The following TRUB1 variants were observed in gnomAD, a reference collection of about 807,000 sequenced individuals.
The protein encoded by TRUB1 is TruB pseudouridine synthase family member 1, also known as pseudouridylate synthase TRUB1.
A neutral mutation model predicts 33.9 loss-of-function variants in TRUB1; 23 were observed. The observed-to-expected ratio is 0.68, with a 90% confidence interval of 0.49 to 0.96. TRUB1 has a LOEUF of 0.96. TRUB1 is among the 40% of genes least tolerant of loss of function. The pLI, the probability that TRUB1 is intolerant of heterozygous loss-of-function variation, is 0.00. For synonymous variants in TRUB1, 163 were observed against 165.4 expected (o/e 0.99, Z 0.11); for missense variants, 378 against 422.2 (o/e 0.90, Z 0.92).
chr10:114,947,026 C>T (rs881192), intron 2 of TRUB1, among the ~76,000 whole-genome samples: 81,858 of 151,986 alleles, frequency 0.54, 24,321 homozygotes, highest in African/African-American at 0.77. Flanking sequence ...AATGTAATCA[C>T]AATATTCTTT....
intron 4 of TRUB1, among the ~76,000 whole-genome samples, chr10:114,961,081 G>A (rs1000696970): frequency 2.0e-5 from 3 of 152,110 alleles, no homozygotes; most frequent in South Asian, 2.1e-4. Flanking sequence ...ATCTAGCTGC[G>A]CAAATTTGAA....
chr10:114,943,135 G>C (rs1398342963), intron 2 of TRUB1, among the ~76,000 whole-genome samples: 2 of 152,186 alleles, frequency 1.3e-5, no homozygotes, highest in African/African-American at 4.8e-5. Context: ...CTGTGCCTCA[G>C]ATGTTCTGAG....
At position 114,975,409 on chromosome 10, in the gene TRUB1, G is replaced by A. The variant is rs2084356099; in HGVS notation, c.*30G>A. On this transcript the variant is annotated 3_prime_UTR_variant, in exon 8 of 8. Transcript: ENST00000298746. Reference sequence around the variant, plus strand: ...GGCCTGGGAATATCATCATTTTCTAGTTGACATTTGAATCCTGTGTGCAGA... The same window carrying A: ...GGCCTGGGAATATCATCATTTTCTAATTGACATTTGAATCCTGTGTGCAGA... 1.3e-6 allele frequency: 2 copies of A among 1,508,974 alleles called. No homozygotes were observed. The highest frequency in any genetic ancestry group is 1.8e-6 in the Non-Finnish European group (2 of 1,128,002). The allele number at this position is 1,508,974 out of a possible 1,614,324, so 93.5% of individuals were successfully genotyped here.
intron 4 of TRUB1, among the ~76,000 whole-genome samples, chr10:114,968,336 G>A (rs2084319815): frequency 6.6e-6 from 1 of 152,176 alleles, no homozygotes; most frequent in Non-Finnish European, 1.5e-5. Flanking sequence ...AGGAGCGTCA[G>A]TAGAGAGACC....
intron 2 of TRUB1, among the ~76,000 whole-genome samples, chr10:114,945,769 C>G (rs1036132517): frequency 1.3e-5 from 2 of 152,056 alleles, no homozygotes; most frequent in Non-Finnish European, 2.9e-5. Flanking sequence ...CCAGGGAAGC[C>G]AAAAGATTGG....
intron 2 of TRUB1, among the ~76,000 whole-genome samples, chr10:114,943,970 A>C (rs1255638452): frequency 2.0e-5 from 3 of 151,308 alleles, no homozygotes; most frequent in African/African-American, 7.3e-5. Flanking sequence ...ATCGAAGGGA[A>C]TAAAAATATT....
chr10:114,943,625 T>C (rs1225705975), intron 2 of TRUB1, among the ~76,000 whole-genome samples: 1 of 152,156 alleles, frequency 6.6e-6, no homozygotes, highest in East Asian at 1.9e-4. Flanking sequence ...GCTTTTTTTG[T>C]TGTTGGAGAA....
chr10:114,954,359 C>CT (rs1215403014), intron 3 of TRUB1, among the ~76,000 whole-genome samples: 1 of 152,198 alleles, frequency 6.6e-6, no homozygotes, highest in Non-Finnish European at 1.5e-5. Context: ...CTTGCTGAAT[C>CT]AAGAAACACC....
intron 1 of TRUB1, among the ~76,000 whole-genome samples, chr10:114,940,209 C>T (rs990416470): frequency 1.3e-5 from 2 of 152,124 alleles, no homozygotes; most frequent in African/African-American, 4.8e-5. Context: ...GCAACCTTCC[C>T]CTCCTGGGTT....
At position 114,977,370 on chromosome 10, in the gene TRUB1, C is replaced by T. The variant is rs1465287005; in HGVS notation, c.*1991C>T. 1 of 151,816 alleles carries T rather than the reference C, an allele frequency of 6.6e-6. No individual in the cohort carries two copies. Among genetic ancestry groups the T allele is most frequent in the Non-Finnish European group, 1.5e-5 (1 of 67,914 alleles). 9.4% of individuals were successfully genotyped at this position (151,816 alleles called of 1,614,324 possible). ...TATTTTAATTATATTACTTTATACT[C>T]TTAATTTATTTAGAGTATTTCTCTA... On this transcript the variant is annotated 3_prime_UTR_variant, in exon 8 of 8. Transcript: ENST00000298746.
At chr10:114,950,141 G>T (rs112638932) in intron 2 of TRUB1, among the ~76,000 whole-genome samples, 1 of 151,810 alleles carries the variant, frequency 6.6e-6, no homozygotes, top group Non-Finnish European at 1.5e-5. Flanking sequence ...CAGGTGATCC[G>T]CCCGCCTCAA....
intron 4 of TRUB1, chr10:114,969,515 A>G (rs2084325757): frequency 6.6e-6 from 1 of 152,050 alleles, no homozygotes; most frequent in Admixed American, 6.6e-5. Context: ...GGGCCATGCT[A>G]GAACTCTACT....
intron 4 of TRUB1, among the ~76,000 whole-genome samples, chr10:114,961,307 T>C (rs534585436): frequency 1.2e-4 from 18 of 151,990 alleles, no homozygotes; most frequent in Non-Finnish European, 5.9e-5. Flanking sequence ...TAGAAAAATT[T>C]CCCATGATTA....
chr10:114,949,218 C>G (rs1001412741), intron 2 of TRUB1, among the ~76,000 whole-genome samples: 18 of 152,102 alleles, frequency 1.2e-4, no homozygotes, highest in Non-Finnish European at 4.4e-5. Flanking sequence ...CTTTGTTTTT[C>G]CATTGGAAGT....
rs200573152 is a variant in TRUB1, at chr10:114,946,656, GAAAC to G, written c.385+3933_385+3936del. 2.7e-3 allele frequency among the ~76,000 whole-genome samples: 412 copies of G among 151,784 alleles called. 2 individuals are homozygous for G. Among genetic ancestry groups the G allele is most frequent in the African/African-American group, 8.6e-3 (354 of 41,386 alleles). Reference sequence around the variant, plus strand: ...CATGCCCGGCCAAAAGGTCTTTTTTGAAACAAACAAACAAACAAACAAAACTAAA... The same window carrying G: ...CATGCCCGGCCAAAAGGTCTTTTTTGAAACAAACAAACAAACAAAACTAAA... On this transcript the variant is annotated intron_variant, in intron 2 of 7. Transcript: ENST00000298746.
At chr10:114,960,704 G>T (rs2084281529) in intron 4 of TRUB1, among the ~76,000 whole-genome samples, 1 of 151,852 alleles carries the variant, frequency 6.6e-6, no homozygotes, top group Non-Finnish European at 1.5e-5. Flanking sequence ...TGATTTCAAG[G>T]CTTTTCAAAA....
intron 2 of TRUB1, 61 bp downstream of exon 2, chr10:114,942,804 G>A: frequency 1.8e-6 from 2 of 1,081,250 alleles, no homozygotes; most frequent in South Asian, 2.6e-5. Context: ...AGAAACACTG[G>A]TTGAGAACAG....
chr10:114,944,504 C>T (rs1196905159), intron 2 of TRUB1, among the ~76,000 whole-genome samples: 2 of 151,960 alleles, frequency 1.3e-5, no homozygotes, highest in Non-Finnish European at 2.9e-5. Flanking sequence ...ACTAAAAATA[C>T]AAAAATTAGC....
At chr10:114,966,225 G>A (rs1233309030) in intron 4 of TRUB1, among the ~76,000 whole-genome samples, 3 of 151,930 alleles carry the variant, frequency 2.0e-5, no homozygotes, top group Non-Finnish European at 2.9e-5. Flanking sequence ...TATGTACATC[G>A]TTTTGTAACC....
Sources: allele counts gnomAD v4.1 joint callset (sites outside exome capture counted in the v4.1 genomes callset), GRCh38; gene constraint gnomAD v4.1.1; transcripts MANE v1.5; gene names NCBI Gene and HGNC (gene_info 2026-07-23, HGNC 2026-07-21).